The following KRT8 variants were observed in gnomAD, a reference collection of about 807,000 sequenced individuals.
KRT8 encodes keratin, type II cytoskeletal 8.
KRT8 carries 24 observed loss-of-function variants against 43.0 expected under a neutral mutation model. That is an observed-to-expected ratio of 0.56 (90% CI 0.40 to 0.78). The LOEUF is 0.78. KRT8 is among the 30% of genes least tolerant of loss of function. The pLI, the probability that KRT8 is intolerant of heterozygous loss-of-function variation, is 0.00. For synonymous variants in KRT8, 214 were observed against 261.2 expected, an observed-to-expected ratio of 0.82 and a Z score of 1.74; for missense variants, 492 against 638.4, an observed-to-expected ratio of 0.77 and a Z score of 2.47.
intron 2 of KRT8, among the ~76,000 whole-genome samples, chr12:52,940,492 T>A (rs2120730068): frequency 6.6e-6 from 1 of 150,604 alleles, no homozygotes; most frequent in East Asian, 1.9e-4. Flanking sequence ...CACTTTATAG[T>A]TTATTTTATA....
intron 7 of KRT8, 105 bp from the exon 8 acceptor site, chr12:52,897,723 G>A: frequency 6.7e-7 from 1 of 1,488,108 alleles, no homozygotes; most frequent in African/African-American, 1.4e-5. Flanking sequence ...GGGATGGGAG[G>A]TTAACCCAGC....
intron 2 of KRT8, among the ~76,000 whole-genome samples, chr12:52,933,864 A>T (rs1942123409): frequency 6.7e-6 from 1 of 149,094 alleles, no homozygotes; most frequent in Admixed American, 6.7e-5. Context: ...ACCTCAGGTG[A>T]TCTACCCATC....
intron 2 of KRT8, among the ~76,000 whole-genome samples, chr12:52,939,403 C>T (rs1316398296): frequency 6.6e-6 from 1 of 152,000 alleles, no homozygotes; most frequent in Non-Finnish European, 1.5e-5. Context: ...ACTTGGGAGG[C>T]TGAGACAGGA....
chr12:52,935,122 C>A (rs1330400255), intron 2 of KRT8, among the ~76,000 whole-genome samples: 1 of 148,234 alleles, frequency 6.7e-6, no homozygotes, highest in Non-Finnish European at 1.5e-5. Context: ...GGCTCATGCC[C>A]GTAATCCCAG....
Position 52,898,658 on chromosome 12 carries a change from G to A in KRT8, c.1202+21C>T, listed in dbSNP as rs751073052. ...TCCCAGGGATAGGGAAGCAGGTCCG[G>A]TCAGAGGTACCCACACCCACCGGCT... On this transcript the variant is annotated intron_variant, in intron 6 of 7. Coordinates refer to ENST00000692008, the Ensembl canonical transcript of KRT8. 15 of 1,614,018 alleles carry A rather than the reference G, an allele frequency of 9.3e-6. No homozygotes were observed. The Admixed American group carries it at 1.3e-4, about 14-fold the overall frequency.
intron 2 of KRT8, among the ~76,000 whole-genome samples, chr12:52,925,203 A>G (rs1309605878): frequency 6.6e-6 from 1 of 152,204 alleles, no homozygotes; most frequent in East Asian, 1.9e-4. Context: ...AGACTGAGTA[A>G]GACAAGGTCA....
chr12:52,945,295 C>T (rs1177154210), intron 2 of KRT8, among the ~76,000 whole-genome samples: 2 of 152,276 alleles, frequency 1.3e-5, no homozygotes, highest in East Asian at 1.9e-4. Context: ...CCCAGGCGAT[C>T]CCTTCCTCCC....
At chr12:52,939,775 C>CAGCTTTATTCATAATTGCTAAAAACTGG (rs1476206955) in intron 2 of KRT8, among the ~76,000 whole-genome samples, 48 of 151,162 alleles carry the variant, frequency 3.2e-4, no homozygotes, top group Non-Finnish European at 7.1e-4. Context: ...CAAAGATAAA[C>CAGCTTTATTCATAATTGCTAAAAACTGG]AGCTTTATTC....
intron 2 of KRT8, among the ~76,000 whole-genome samples, chr12:52,925,046 A>G (rs1941962650): frequency 6.6e-6 from 1 of 152,224 alleles, no homozygotes; most frequent in Admixed American, 6.5e-5. Context: ...AGGCCTGCCC[A>G]GAAGCCAAGA....
At chr12:52,910,174 A>G (rs758323243), upstream of KRT8, among the ~76,000 whole-genome samples, 2 of 152,188 alleles carry the variant, frequency 1.3e-5, no homozygotes, top group Non-Finnish European at 2.9e-5. Flanking sequence ...GGTCCCAGCT[A>G]TGGCTCAGTC....
intron 2 of KRT8, among the ~76,000 whole-genome samples, chr12:52,935,394 A>AAAAAAG (rs1555189714): frequency 1.1e-4 from 13 of 122,422 alleles, no homozygotes; most frequent in African/African-American, 2.0e-4. Flanking sequence ...AAAAAAAAAA[A>AAAAAAG]AAAAAAAAAA....
chr12:52,943,088 T>A (rs1297816816), intron 2 of KRT8, among the ~76,000 whole-genome samples: 1 of 152,174 alleles, frequency 6.6e-6, no homozygotes, highest in Non-Finnish European at 1.5e-5. Context: ...AACCACACTT[T>A]AGTGCTATTG....
At chr12:52,927,805 G>A (rs765459613) in intron 2 of KRT8, among the ~76,000 whole-genome samples, 5 of 152,194 alleles carry the variant, frequency 3.3e-5, no homozygotes, top group East Asian at 1.9e-4. Context: ...TCAGCCAGGC[G>A]CGATGGCTCA....
intron 2 of KRT8, 30 bp from the exon 3 acceptor site, chr12:52,901,249 T>C: frequency 6.4e-7 from 1 of 1,564,672 alleles, no homozygotes; most frequent in Non-Finnish European, 8.8e-7. Flanking sequence ...AATTAGAGGA[T>C]GAAGGCAAAA....
exon 7 of KRT8, chr12:52,898,468 G>T (rs772319554): frequency 2.7e-5 from 43 of 1,613,436 alleles, no homozygotes; most frequent in Non-Finnish European, 3.4e-5. Context: ...CACCTGCATA[G>T]CCGCTGGTGG....
chr12:52,932,882 C>T (rs1942107263), intron 2 of KRT8, among the ~76,000 whole-genome samples: 1 of 152,058 alleles, frequency 6.6e-6, no homozygotes, highest in Non-Finnish European at 1.5e-5. Flanking sequence ...GAGAATTTAG[C>T]AAGATTGCAG....
chr12:52,921,608 T>C (rs1487936432), intron 2 of KRT8, among the ~76,000 whole-genome samples: 1 of 152,088 alleles, frequency 6.6e-6, no homozygotes, highest in African/African-American at 2.4e-5. Flanking sequence ...CCCTCTAGCC[T>C]GGCTCTACCC....
intron 2 of KRT8, among the ~76,000 whole-genome samples, chr12:52,927,092 G>A (rs1024729107): frequency 6.6e-6 from 1 of 152,188 alleles, no homozygotes; most frequent in African/African-American, 2.4e-5. Context: ...CCCCAAGGGA[G>A]GAAAGAAGCT....
At position 52,914,784 on chromosome 12, in the gene KRT8, G is replaced by C. The variant is rs1318547887; in HGVS notation, c.-46-9757C>G. 7.9e-5 allele frequency among the ~76,000 whole-genome samples: 12 copies of C among 152,186 alleles called. 1 individual carries two copies. The highest frequency in any genetic ancestry group is 7.9e-4 in the Admixed American group (12 of 15,280). On this transcript the variant is annotated intron_variant, in intron 2 of 6. Transcript: ENST00000546826. ...ATAAGGGGCTCAGTGATATCATCAG[G>C]ACCAAGACTCTCTTCCTGTCTTTTG...
Sources: gnomAD v4.1 joint callset for allele counts (sites outside exome capture counted in the v4.1 genomes callset) on GRCh38, gnomAD v4.1.1 for gene constraint, MANE v1.5 for transcripts, NCBI Gene and HGNC (gene_info 2026-07-23, HGNC 2026-07-21) for gene names.